The following CEP128 variants were observed in gnomAD, a reference collection of about 807,000 sequenced individuals.
CEP128 encodes the protein centrosomal protein 128kDa.
In CEP128, 132 loss-of-function variants were observed where a neutral mutation model predicts 156.7. The observed-to-expected ratio is 0.84, with a 90% CI of 0.73 to 0.97. The LOEUF is 0.97. CEP128 is among the 50% of genes least tolerant of loss of function. The pLI is 0.00. For synonymous variants in CEP128, 469 were observed against 448.9 expected (o/e 1.04, Z -0.57); for missense variants, 1,252 against 1,281.9 (o/e 0.98, Z 0.36).
chr14:80,682,426 CTTT>C (rs1426829969), intron 19 of CEP128, among the ~76,000 whole-genome samples: 1 of 152,124 alleles, frequency 6.6e-6, no homozygotes, highest in Non-Finnish European at 1.5e-5. Flanking sequence ...TGAATTAATT[CTTT>C]GAGAAATATG....
At chr14:80,488,044 A>G (rs1428333965), downstream of CEP128, among the ~76,000 whole-genome samples, 1 of 149,582 alleles carries the variant, frequency 6.7e-6, no homozygotes, top group Non-Finnish European at 1.5e-5. Context: ...AACTGAAGGA[A>G]ATAGAGACAC....
intron 23 of CEP128, 121 bp from the exon 24 acceptor site, chr14:80,505,141 A>G (rs183726231): frequency 1.1e-5 from 4 of 373,894 alleles, no homozygotes; most frequent in Non-Finnish European, 2.0e-5. Context: ...TGCACAATTT[A>G]ATATAATTAT....
chr14:80,879,492 T>C (rs1210409980), intron 8 of CEP128, among the ~76,000 whole-genome samples: 3 of 151,618 alleles, frequency 2.0e-5, no homozygotes, highest in Admixed American at 2.0e-4. Flanking sequence ...AGCAAAGAGA[T>C]ACATGTTATT....
chr14:80,789,668 A>C (rs1374740687), intron 14 of CEP128, among the ~76,000 whole-genome samples: 1 of 152,126 alleles, frequency 6.6e-6, no homozygotes, highest in East Asian at 1.9e-4. Context: ...CTTCCAAAGA[A>C]GGGGCAAAAG....
chr14:80,949,389 C>G (rs774082425), intron 2 of CEP128, among the ~76,000 whole-genome samples: 6 of 151,946 alleles, frequency 3.9e-5, no homozygotes, highest in South Asian at 2.1e-4. Context: ...AGAAAACTTC[C>G]GAGAACTATA....
rs542200022 is a variant in CEP128, at chr14:80,532,830, T to C, written c.2881-1944A>G. Among the ~76,000 whole-genome samples the C allele has an allele frequency of 2.0e-5, 3 of 152,320 alleles. No individual in the cohort carries two copies. In the East Asian group the frequency reaches 5.8e-4, roughly 29 times the overall value. Reference sequence around the variant, plus strand: ...GTAAATCAGTTTTTCTATTTCTTCATATCCTTATTTTTGTAATGAGATTTT... The same window carrying C: ...GTAAATCAGTTTTTCTATTTCTTCACATCCTTATTTTTGTAATGAGATTTT... On this transcript the variant is annotated intron_variant, in intron 21 of 24. Transcript: ENST00000555265.
intron 6 of CEP128, among the ~76,000 whole-genome samples, chr14:80,900,250 A>G (rs1883468363): frequency 6.6e-6 from 1 of 152,212 alleles, no homozygotes; most frequent in Non-Finnish European, 1.5e-5. Flanking sequence ...CTACAGTACA[A>G]TTCTACTCCT....
At chr14:80,912,850 A>G (rs1893269611) in intron 4 of CEP128, among the ~76,000 whole-genome samples, 1 of 152,172 alleles carries the variant, frequency 6.6e-6, no homozygotes, top group Non-Finnish European at 1.5e-5. Flanking sequence ...TGTATAAAAC[A>G]GTCATTATTC....
chr14:80,679,668 G>A (rs1426015801), intron 19 of CEP128, among the ~76,000 whole-genome samples: 1 of 152,174 alleles, frequency 6.6e-6, no homozygotes, highest in African/African-American at 2.4e-5. Flanking sequence ...TTTACCTTAT[G>A]ATCTTTGCCT....
intron 8 of CEP128, among the ~76,000 whole-genome samples, chr14:80,875,278 C>G (rs1231301431): frequency 6.6e-6 from 1 of 152,124 alleles, no homozygotes; most frequent in Non-Finnish European, 1.5e-5. Context: ...ATCTCAACAA[C>G]AAGTAATAAG....
At chr14:80,794,279 T>A (rs1382521979) in intron 13 of CEP128, among the ~76,000 whole-genome samples, 1 of 152,236 alleles carries the variant, frequency 6.6e-6, no homozygotes, top group Non-Finnish European at 1.5e-5. Flanking sequence ...TAAGGTTAAA[T>A]ATAATTTCCC....
chr14:80,545,783 A>C (rs879342657), intron 21 of CEP128, among the ~76,000 whole-genome samples: 3 of 152,198 alleles, frequency 2.0e-5, no homozygotes, highest in Non-Finnish European at 4.4e-5. Context: ...AAAGCAGAGT[A>C]ACACCAGGTT....
intron 21 of CEP128, among the ~76,000 whole-genome samples, chr14:80,534,472 T>C (rs1324746640): frequency 1.3e-5 from 2 of 152,312 alleles, no homozygotes; most frequent in East Asian, 3.9e-4. Context: ...TCTAAGTTGG[T>C]TAATTTTTTT....
At chr14:80,555,582 A>C (rs950022845) in intron 21 of CEP128, among the ~76,000 whole-genome samples, 1 of 152,124 alleles carries the variant, frequency 6.6e-6, no homozygotes, top group Non-Finnish European at 1.5e-5. Context: ...GTCACAAGTT[A>C]ATTTTATATG....
At chr14:80,705,338 T>C (rs1897206389) in intron 19 of CEP128, among the ~76,000 whole-genome samples, 1 of 152,016 alleles carries the variant, frequency 6.6e-6, no homozygotes, top group Non-Finnish European at 1.5e-5. Flanking sequence ...CAGACCTTTG[T>C]CATGCAAACT....
At chr14:80,491,318 T>A (rs1887317063) in intron 6 of CEP128, among the ~76,000 whole-genome samples, 1 of 152,200 alleles carries the variant, frequency 6.6e-6, no homozygotes, top group Admixed American at 6.5e-5. Context: ...ATGAGGTCTC[T>A]CAAGCTGCAG....
At chr14:80,555,505 C>A (rs1421652196) in intron 21 of CEP128, among the ~76,000 whole-genome samples, 5 of 152,080 alleles carry the variant, frequency 3.3e-5, no homozygotes, top group Non-Finnish European at 7.4e-5. Flanking sequence ...TCTTTAAACA[C>A]TCCTTTAAGT....
At chr14:80,529,472 G>A (rs1889128111) in intron 22 of CEP128, among the ~76,000 whole-genome samples, 1 of 152,074 alleles carries the variant, frequency 6.6e-6, no homozygotes, top group South Asian at 2.1e-4. Context: ...TTGTACTTAT[G>A]AACATTCTGT....
At chr14:80,836,676 A>G (rs1340342789) in intron 11 of CEP128, among the ~76,000 whole-genome samples, 1 of 152,158 alleles carries the variant, frequency 6.6e-6, no homozygotes, top group African/African-American at 2.4e-5. Context: ...ATTTGCTTTC[A>G]TGTGAACATG....
Sources: allele counts gnomAD v4.1 joint callset (sites outside exome capture counted in the v4.1 genomes callset), GRCh38; gene constraint gnomAD v4.1.1; transcripts MANE v1.5; gene names NCBI Gene and HGNC (gene_info 2026-07-23, HGNC 2026-07-21).